SLC8A1: variants seen among roughly 807,000 people sequenced by gnomAD.
The protein encoded by SLC8A1 is sodium/calcium exchanger 1.
SLC8A1 carries 18 observed loss-of-function variants against 68.3 expected under a neutral mutation model. The ratio of observed to expected loss-of-function variants is 0.26; its 90% confidence interval spans 0.18 to 0.39. The LOEUF (loss-of-function observed/expected upper bound fraction) is 0.39, where lower values mean the gene tolerates loss of function less well. Ranked by LOEUF, SLC8A1 falls within the 10% of genes least tolerant of loss-of-function variation. SLC8A1 has a pLI of 1.00. For missense variants in SLC8A1, 985 were observed against 1,156.7 expected, an observed-to-expected ratio of 0.85 and a Z score of 2.15; for synonymous variants, 475 against 415.5, an observed-to-expected ratio of 1.14 and a Z score of -1.74.
chr2:40,433,965 A>T (rs763619058), intron 1 of SLC8A1, among the ~76,000 whole-genome samples: 1 of 152,162 alleles, frequency 6.6e-6, no homozygotes, highest in Non-Finnish European at 1.5e-5. Context: ...GTGATGTAAC[A>T]TGAGGGCTAG....
chr2:40,110,463 C>T (rs1314066515), exon 8 of SLC8A1: 2 of 152,178 alleles, frequency 1.3e-5, no homozygotes, highest in Non-Finnish European at 2.9e-5. Context: ...AAGGAATCCA[C>T]TTATAATAGC....
chr2:40,309,356 G>C (rs2073256672), intron 2 of SLC8A1, among the ~76,000 whole-genome samples: 2 of 150,680 alleles, frequency 1.3e-5, no homozygotes, highest in African/African-American at 4.9e-5. Flanking sequence ...AGTGCTTCAG[G>C]CTTTGGAAGG....
intron 2 of SLC8A1, among the ~76,000 whole-genome samples, chr2:40,255,381 C>G (rs1438341088): frequency 1.3e-5 from 2 of 152,132 alleles, no homozygotes; most frequent in Non-Finnish European, 2.9e-5. Flanking sequence ...CAATGCCACC[C>G]AGCTATTGGA....
chr2:40,375,558 C>T (rs1476628917), intron 2 of SLC8A1, among the ~76,000 whole-genome samples: 2 of 152,126 alleles, frequency 1.3e-5, no homozygotes, highest in Admixed American at 1.3e-4. Context: ...ATGTATATGA[C>T]TCCAGGATCA....
At chr2:40,311,822 T>G (rs2073736431) in intron 2 of SLC8A1, among the ~76,000 whole-genome samples, 2 of 152,282 alleles carry the variant, frequency 1.3e-5, no homozygotes, top group South Asian at 4.1e-4. Context: ...CATTATCAGT[T>G]TCTACAACAA....
intron 2 of SLC8A1, among the ~76,000 whole-genome samples, chr2:40,365,976 A>T (rs1028828494): frequency 1.4e-5 from 2 of 144,666 alleles, no homozygotes; most frequent in Non-Finnish European, 3.0e-5. Context: ...AACCTGTGTG[A>T]CAAAATAAGA....
intron 1 of SLC8A1, among the ~76,000 whole-genome samples, chr2:40,467,367 A>T (rs980689060): frequency 3.9e-5 from 6 of 152,164 alleles, no homozygotes; most frequent in Non-Finnish European, 8.8e-5. Flanking sequence ...TTTGCCCCAT[A>T]AAGCACTACC....
intron 7 of SLC8A1, among the ~76,000 whole-genome samples, chr2:40,137,956 G>C (rs2040837509): frequency 6.6e-6 from 1 of 151,952 alleles, no homozygotes; most frequent in Admixed American, 6.6e-5. Flanking sequence ...CTTCATCCAT[G>C]GTTAATGAAT....
intron 6 of SLC8A1, among the ~76,000 whole-genome samples, chr2:40,155,052 G>C (rs537075017): frequency 2.0e-5 from 3 of 152,050 alleles, no homozygotes; most frequent in Non-Finnish European, 2.9e-5. Context: ...AAATCCCATT[G>C]GTAACACCCT....
At chr2:40,122,408 G>A (rs1179301123) in intron 7 of SLC8A1, among the ~76,000 whole-genome samples, 2 of 152,140 alleles carry the variant, frequency 1.3e-5, no homozygotes, top group Non-Finnish European at 1.5e-5. Flanking sequence ...AGTTGTCCCT[G>A]AAGAGGGTAA....
intron 2 of SLC8A1, among the ~76,000 whole-genome samples, chr2:40,234,163 G>A (rs1206122347): frequency 1.3e-5 from 2 of 152,082 alleles, no homozygotes; most frequent in Admixed American, 6.5e-5. Flanking sequence ...GATGGGGATG[G>A]CATTGAATCT....
intron 1 of SLC8A1, among the ~76,000 whole-genome samples, chr2:40,495,937 G>T (rs892558378): frequency 6.6e-6 from 1 of 151,888 alleles, no homozygotes; most frequent in Non-Finnish European, 1.5e-5. Context: ...TGATTCTCAG[G>T]CAACAAAAAA....
At position 40,367,861 on chromosome 2, in the gene SLC8A1, C is replaced by G. The variant is rs182809691; in HGVS notation, c.1808+60612G>C. Among the ~76,000 whole-genome samples, 8 of 152,194 alleles carry G rather than the reference C, an allele frequency of 5.3e-5. No homozygotes were observed. In the East Asian group the frequency reaches 1.5e-3, roughly 29 times the overall value. On this transcript the variant is annotated intron_variant, in intron 2 of 7. Coordinates refer to ENST00000406785, the Ensembl canonical transcript of SLC8A1. ...ACTCACATGAAGACTGAAGACAACA[C>G]AACCCCCCACATCTTGTTCACAAAA...
chr2:40,429,203 T>A, exon 2 of SLC8A1: 1 of 1,613,874 alleles, frequency 6.2e-7, no homozygotes, highest in Non-Finnish European at 8.5e-7. Context: ...AATGCTCTAC[T>A]TTTTTGCTGC....
chr2:40,486,710 T>C (rs1305758591), intron 1 of SLC8A1, among the ~76,000 whole-genome samples: 2 of 151,486 alleles, frequency 1.3e-5, no homozygotes, highest in East Asian at 3.9e-4. Flanking sequence ...TTAATATGTT[T>C]TTTTTAATTT....
chr2:40,468,618 C>A (rs1261252046), intron 1 of SLC8A1, among the ~76,000 whole-genome samples: 1 of 152,026 alleles, frequency 6.6e-6, no homozygotes, highest in Non-Finnish European at 1.5e-5. Context: ...TGTTTAAATA[C>A]TTTTTTCCTC....
intron 1 of SLC8A1, among the ~76,000 whole-genome samples, chr2:40,481,903 T>A (rs940845204): frequency 6.6e-6 from 1 of 152,150 alleles, no homozygotes; most frequent in Non-Finnish European, 1.5e-5. Context: ...CAGGATTATA[T>A]AGATCAAAAT....
intron 2 of SLC8A1, among the ~76,000 whole-genome samples, chr2:40,371,410 G>T (rs1482031313): frequency 6.6e-6 from 1 of 152,102 alleles, no homozygotes; most frequent in East Asian, 1.9e-4. Context: ...TCATGGATCT[G>T]ACAGGGAAAA....
chr2:40,400,986 G>A (rs1006119072), intron 2 of SLC8A1, among the ~76,000 whole-genome samples: 12 of 152,184 alleles, frequency 7.9e-5, no homozygotes, highest in East Asian at 5.8e-4. Context: ...TTGGTGCCAC[G>A]AGGAGGAGGA....
Sources: allele counts gnomAD v4.1 joint callset (sites outside exome capture counted in the v4.1 genomes callset), GRCh38; gene constraint gnomAD v4.1.1; transcripts MANE v1.5; gene names NCBI Gene and HGNC (gene_info 2026-07-23, HGNC 2026-07-21).